TEX11: variants seen among roughly 807,000 people sequenced by gnomAD.
The protein encoded by TEX11 is testis-expressed protein 11.
TEX11 carries 7 observed loss-of-function variants against 84.4 expected under a neutral mutation model. The observed-to-expected ratio is 0.08, with a 90% CI of 0.05 to 0.16. The LOEUF (loss-of-function observed/expected upper bound fraction) is 0.16. Ranked by LOEUF, TEX11 falls within the 10% of genes least tolerant of loss-of-function variation. The pLI is 1.00. For missense variants in TEX11, 551 were observed against 660.5 expected, an observed-to-expected ratio of 0.83 and a Z score of 1.82; for synonymous variants, 264 against 222.8, an observed-to-expected ratio of 1.18 and a Z score of -1.64.
intron 24 of TEX11, among the ~76,000 whole-genome samples, chrX:70,594,578 G>A (rs2088979322): frequency 9.0e-6 from 1 of 111,299 alleles, no homozygotes; most frequent in Non-Finnish European, 1.9e-5. Context: ...AACAGCACAA[G>A]AGGCAGGTGG....
At position 70,557,152 on chromosome X, in the gene TEX11, C is replaced by A. The variant is rs1212549154; in HGVS notation, c.2141-2352G>T. 4.6e-5 allele frequency among the ~76,000 whole-genome samples: 5 copies of A among 109,111 alleles called. No individual in the cohort carries two copies. The East Asian group carries it at 1.5e-3, about 32-fold the overall frequency. 94.7% of individuals were successfully genotyped at this position (109,111 alleles called of 115,157 possible). On this transcript the variant is annotated intron_variant, in intron 25 of 29. Coordinates refer to ENST00000374333, the MANE Select transcript of TEX11 (RefSeq NM_031276.3). ...GAAACAATTCCCTTTATAACAGCAT[C>A]AAAAAGAAGAAAATACTTAGAAATA...
intron 9 of TEX11, among the ~76,000 whole-genome samples, chrX:70,768,272 C>A (rs2090952830): frequency 9.1e-6 from 1 of 110,043 alleles, no homozygotes; most frequent in African/African-American, 3.3e-5. Context: ...CTAATATGTA[C>A]CCACAAAAAT....
chrX:70,737,107 T>C (rs1328492347), intron 11 of TEX11, among the ~76,000 whole-genome samples: 1 of 111,307 alleles, frequency 9.0e-6, no homozygotes, highest in Non-Finnish European at 1.9e-5. Context: ...AGAGTAAGTA[T>C]AACTGTATTT....
intron 11 of TEX11, among the ~76,000 whole-genome samples, chrX:70,727,411 A>C (rs1425740715): frequency 9.0e-6 from 1 of 111,614 alleles, no homozygotes; most frequent in African/African-American, 3.3e-5. Flanking sequence ...ATAATAATAA[A>C]ACAAACACCG....
At chrX:70,547,970 G>A (rs1226179056) in intron 28 of TEX11, among the ~76,000 whole-genome samples, 1 of 111,789 alleles carries the variant, frequency 8.9e-6, no homozygotes, top group African/African-American at 3.3e-5. Context: ...ACATGCACAC[G>A]TATGTTTATT....
At chrX:70,521,311 C>T in the TEX11 span, among the ~76,000 whole-genome samples, 1 of 110,392 alleles carries the variant, frequency 9.1e-6, no homozygotes, top group Non-Finnish European at 1.9e-5. Flanking sequence ...CAAAGTCTCA[C>T]TCTGTCTCAC....
chrX:70,555,732 A>G (rs2088278061), intron 25 of TEX11, among the ~76,000 whole-genome samples: 1 of 112,132 alleles, frequency 8.9e-6, no homozygotes, highest in African/African-American at 3.2e-5. Flanking sequence ...GTTTGTATAG[A>G]GTTGGTATTA....
chrX:70,529,979 C>T lies in TEX11; in HGVS notation c.2541G>A (p.Glu847=), dbSNP rs748488617. The change falls in exon 29 of 30, where the codon GAG becomes GAA. Residue 847 remains glutamate (E), a synonymous_variant. Transcript: ENST00000374333. ...AGGACTTGACCATCAGCCAGAGAAT[C>T]TCCATTTCTGGGTAGTCTTTCTATA... ...ISRTKDYPEM[E]ILWLMVKSWN... The T allele has an allele frequency of 1.7e-6, 2 of 1,208,155 alleles. No homozygotes were observed. Among genetic ancestry groups the T allele is most frequent in the Non-Finnish European group, 2.2e-6 (2 of 894,236 alleles).
intron 28 of TEX11, among the ~76,000 whole-genome samples, chrX:70,530,420 T>C (rs2087871630): frequency 8.9e-6 from 1 of 111,985 alleles, no homozygotes; most frequent in South Asian, 3.8e-4. Context: ...AATTAGTCCA[T>C]ATTTGGAGTA....
chrX:70,564,935 G>A lies in TEX11; in HGVS notation c.2141-10135C>T, dbSNP rs1241619427. ...GTATATACCCAGTAATGGGATTGCT[G>A]GGTCAAATGGTATTTCTAGTTCTAG... On this transcript the variant is annotated intron_variant, in intron 25 of 29. Transcript: ENST00000374333. 2.7e-5 allele frequency among the ~76,000 whole-genome samples: 3 copies of A among 109,210 alleles called. No individual in the cohort carries two copies. The East Asian group carries it at 8.6e-4, about 31-fold the overall frequency. 94.8% of individuals were successfully genotyped at this position (109,210 alleles called of 115,157 possible).
At chrX:70,751,334 G>A (rs1171648598) in intron 9 of TEX11, among the ~76,000 whole-genome samples, 1 of 106,924 alleles carries the variant, frequency 9.4e-6, no homozygotes, top group Non-Finnish European at 1.9e-5. Flanking sequence ...TCCTTTGTAG[G>A]GACATGGATG....
At chrX:70,614,532 C>T (rs759899379) in intron 20 of TEX11, among the ~76,000 whole-genome samples, 72 of 111,952 alleles carry the variant, frequency 6.4e-4, no homozygotes, top group Non-Finnish European at 1.1e-3. Flanking sequence ...TTTTGACTGC[C>T]GTCCCTGGCT....
At chrX:70,744,279 T>C (rs371282000) in intron 9 of TEX11, 60 bp from the exon 10 acceptor site, 7 of 501,644 alleles carry the variant, frequency 1.4e-5, no homozygotes, top group African/African-American at 7.6e-5. Flanking sequence ...CATTTCAAAT[T>C]ATATATAATT....
chrX:70,855,408 T>G (rs1308641438), intron 5 of TEX11, among the ~76,000 whole-genome samples: 1 of 109,288 alleles, frequency 9.2e-6, no homozygotes, highest in Non-Finnish European at 1.9e-5. Context: ...CTACTAAAAA[T>G]ACAAAAAATT....
intron 3 of TEX11, among the ~76,000 whole-genome samples, chrX:70,874,084 C>T (rs1211449215): frequency 9.0e-6 from 1 of 110,548 alleles, no homozygotes; most frequent in Non-Finnish European, 1.9e-5. Flanking sequence ...CTGGTACCTC[C>T]TCCTTTCTCT....
chrX:70,695,275 A>G (rs1440392111), intron 13 of TEX11, among the ~76,000 whole-genome samples: 1 of 112,504 alleles, frequency 8.9e-6, no homozygotes, highest in Admixed American at 9.4e-5. Flanking sequence ...TATCCATACA[A>G]CAGACTACTA....
chrX:70,855,567 A>G (rs2091531869), intron 5 of TEX11, among the ~76,000 whole-genome samples: 1 of 99,200 alleles, frequency 1.0e-5, no homozygotes, highest in Admixed American at 1.3e-4. Context: ...CTCTGTCTCA[A>G]AAAAAAAAAA....
intron 9 of TEX11, among the ~76,000 whole-genome samples, chrX:70,796,977 G>A (rs1466505472): frequency 1.8e-5 from 2 of 112,079 alleles, no homozygotes; most frequent in African/African-American, 3.2e-5. Flanking sequence ...TGTTAGCTGG[G>A]CTGCAGAGAA....
In TEX11 at chrX:70,552,132, G is replaced by A. The variant is rs755215381; in HGVS notation, c.2514C>T (p.Ser838=). The A allele has an allele frequency of 3.3e-6, 4 of 1,208,687 alleles. No homozygotes were observed. The highest frequency in any genetic ancestry group is 4.5e-6 in the Non-Finnish European group (4 of 894,487). Residue 838 remains serine, a synonymous_variant, in exon 28 of 30, where the codon AGC becomes AGT. Transcript: ENST00000374333. ...GYFEDALSHI[S]RTKDYPEMEI... ...ATATCACTATTTGACTTACAGTGCG[G>A]CTAATGTGGCTCAGAGCATCTTCAA...
Sources: gnomAD v4.1 joint callset for allele counts (sites outside exome capture counted in the v4.1 genomes callset) on GRCh38, gnomAD v4.1.1 for gene constraint, MANE v1.5 for transcripts, NCBI Gene and HGNC (gene_info 2026-07-23, HGNC 2026-07-21) for gene names.